Variants in DOCK1 observed in about 807,000 individuals in gnomAD.
DOCK1 encodes dedicator of cytokinesis protein 1.
In DOCK1, 138 loss-of-function variants were observed where a neutral mutation model predicts 262.7. The observed-to-expected ratio is 0.53, with a 90% confidence interval of 0.46 to 0.61. The LOEUF is 0.61. Ranked by LOEUF, DOCK1 falls within the 20% of genes least tolerant of loss-of-function variation. The pLI, the probability that DOCK1 is intolerant of heterozygous loss-of-function variation, is 0.00. For missense variants in DOCK1, 1,908 were observed against 2,370.7 expected (o/e 0.80, Z 4.05); for synonymous variants, 866 against 867.4 (o/e 1.00, Z 0.03).
At chr10:127,223,162 A>G (rs1481293479) in intron 27 of DOCK1, among the ~76,000 whole-genome samples, 1 of 152,212 alleles carries the variant, frequency 6.6e-6, no homozygotes, top group Non-Finnish European at 1.5e-5. Context: ...TGAATTTATA[A>G]CAATGTCTGA....
chr10:127,090,850 C>T (rs1311621707), intron 23 of DOCK1, among the ~76,000 whole-genome samples: 1 of 152,154 alleles, frequency 6.6e-6, no homozygotes, highest in East Asian at 1.9e-4. Context: ...GGTAGTATTC[C>T]ATTGTATGGA....
rs554787135 is a variant in DOCK1, at chr10:127,138,431, C to T, written c.2847+10667C>T. ...ATCTATACCAAGTGCACGCAAGGTCCGTTCCTGTGCAATGTATCACAAGAT... is the reference window on the plus strand; with the variant it reads ...ATCTATACCAAGTGCACGCAAGGTCTGTTCCTGTGCAATGTATCACAAGAT... On this transcript the variant is annotated intron_variant, in intron 27 of 51. Transcript: ENST00000623213. Among the ~76,000 whole-genome samples, 14 of 152,216 alleles carry T rather than the reference C, an allele frequency of 9.2e-5. No homozygotes were observed. In the East Asian group the frequency reaches 1.9e-3, roughly 21 times the overall value.
At chr10:127,237,425 G>T (rs72836423) in intron 27 of DOCK1, among the ~76,000 whole-genome samples, 11,873 of 151,794 alleles carry the variant, frequency 0.078, 508 homozygotes, top group East Asian at 0.09. Context: ...GTGATGTTGG[G>T]ATCCATATTT....
intron 27 of DOCK1, among the ~76,000 whole-genome samples, chr10:127,229,623 T>C (rs1014145321): frequency 2.6e-5 from 4 of 152,200 alleles, no homozygotes; most frequent in African/African-American, 9.6e-5. Flanking sequence ...ATTTTCCGTA[T>C]CCATCCATTG....
intron 19 of DOCK1, among the ~76,000 whole-genome samples, chr10:127,042,342 A>G (rs1365836648): frequency 1.3e-5 from 2 of 152,176 alleles, no homozygotes; most frequent in Admixed American, 6.5e-5. Flanking sequence ...CAGCCTTATG[A>G]AAACCGGAAA....
At chr10:126,945,915 C>T (rs1050336304) in intron 1 of DOCK1, among the ~76,000 whole-genome samples, 2 of 152,116 alleles carry the variant, frequency 1.3e-5, no homozygotes, top group South Asian at 2.1e-4. Context: ...CTTTATTGAG[C>T]GTAACAACTT....
At chr10:126,966,186 C>T (rs2037662798) in intron 1 of DOCK1, among the ~76,000 whole-genome samples, 1 of 152,140 alleles carries the variant, frequency 6.6e-6, no homozygotes, top group African/African-American at 2.4e-5. Context: ...TTGGGAATGA[C>T]AAGATTCTAT....
chr10:126,947,194 G>A (rs952400182), intron 1 of DOCK1, among the ~76,000 whole-genome samples: 2 of 152,250 alleles, frequency 1.3e-5, no homozygotes, highest in Admixed American at 6.5e-5. Context: ...TCTCAGGGCA[G>A]AATAAAGTTT....
At chr10:127,256,632 C>T (rs1030625039) in intron 28 of DOCK1, among the ~76,000 whole-genome samples, 2 of 152,090 alleles carry the variant, frequency 1.3e-5, no homozygotes, top group East Asian at 1.9e-4. Flanking sequence ...CCCTAGGAAC[C>T]GGCTACCCCT....
Position 127,384,772 on chromosome 10 carries a change from G to T in DOCK1, c.3808-18G>T. ...GTGTTTCCGCCTCGGGTCCGCTCAT[G>T]CTATGCTTCTCCCTTAGTGGTCGGA... is the stretch of plus-strand genomic sequence containing the variant. On this transcript the variant is annotated intron_variant, in intron 37 of 51. Transcript: ENST00000623213. The T allele has an allele frequency of 6.4e-7, 1 of 1,551,392 alleles. No homozygotes were observed. Among genetic ancestry groups the T allele is most frequent in the Middle Eastern group, 1.7e-4 (1 of 5,756 alleles).
At chr10:126,969,546 A>C (rs2037935543) in intron 1 of DOCK1, among the ~76,000 whole-genome samples, 1 of 152,240 alleles carries the variant, frequency 6.6e-6, no homozygotes, top group African/African-American at 2.4e-5. Context: ...AGACTGGCTC[A>C]TGCAGAACAA....
At chr10:127,442,227 C>A (rs756843061) in intron 49 of DOCK1, among the ~76,000 whole-genome samples, 16 of 152,132 alleles carry the variant, frequency 1.1e-4, no homozygotes, top group Non-Finnish European at 1.9e-4. Context: ...TCCTTCCAGC[C>A]TCAGTAACCT....
At chr10:127,197,629 T>A (rs1408161835) in intron 27 of DOCK1, among the ~76,000 whole-genome samples, 1 of 152,034 alleles carries the variant, frequency 6.6e-6, no homozygotes, top group East Asian at 1.9e-4. Flanking sequence ...GGAGAGGAAA[T>A]TGGGAGGACA....
At chr10:127,198,432 C>G (rs924119749) in intron 27 of DOCK1, among the ~76,000 whole-genome samples, 8 of 152,220 alleles carry the variant, frequency 5.3e-5, no homozygotes, top group African/African-American at 1.9e-4. Flanking sequence ...TATCAGAAGG[C>G]TGAAGTTTTC....
At chr10:127,313,386 C>A (rs2135513027) in intron 29 of DOCK1, among the ~76,000 whole-genome samples, 1 of 152,338 alleles carries the variant, frequency 6.6e-6, no homozygotes, top group East Asian at 1.9e-4. Flanking sequence ...CAATAGATAT[C>A]ACTGCTTGGT....
intron 27 of DOCK1, among the ~76,000 whole-genome samples, chr10:127,212,498 G>T (rs1017019355): frequency 5.3e-5 from 8 of 152,218 alleles, no homozygotes; most frequent in African/African-American, 1.9e-4. Flanking sequence ...CAGCGGGCAG[G>T]TGCGAACGGT....
chr10:127,187,720 AAGAAAGAGAGAAAGAAAGAAAGAAAGAG>A (rs1191852448), intron 27 of DOCK1, among the ~76,000 whole-genome samples: 6 of 135,758 alleles, frequency 4.4e-5, no homozygotes, highest in East Asian at 5.0e-4. Flanking sequence ...AAACAAGGAG[AAGAAAGAGAGAAAGAAAGAAAGAAAGAG>A]AGAAAGAGAG....
chr10:127,074,182 T>C (rs1376975826), intron 23 of DOCK1, among the ~76,000 whole-genome samples: 1 of 152,244 alleles, frequency 6.6e-6, no homozygotes, highest in African/African-American at 2.4e-5. Context: ...ATTACTTTTG[T>C]GTATGTATTG....
intron 3 of DOCK1, among the ~76,000 whole-genome samples, chr10:126,980,987 G>T (rs965047102): frequency 7.0e-6 from 1 of 143,702 alleles, no homozygotes; most frequent in Non-Finnish European, 1.5e-5. Flanking sequence ...TCGCTCTGTC[G>T]CCCAGGCTGG....
Sources: allele counts gnomAD v4.1 joint callset (sites outside exome capture counted in the v4.1 genomes callset), GRCh38; gene constraint gnomAD v4.1.1; transcripts MANE v1.5; gene names NCBI Gene and HGNC (gene_info 2026-07-23, HGNC 2026-07-21).